The following NRG4 variants were observed in gnomAD, a reference collection of about 807,000 sequenced individuals.
NRG4 encodes neuregulin 4, also known as pro-neuregulin-4, membrane-bound isoform.
A neutral mutation model predicts 15.0 loss-of-function variants in NRG4; 10 were observed. The ratio of observed to expected loss-of-function variants is 0.67; its 90% confidence interval spans 0.41 to 1.13. NRG4 has a LOEUF of 1.13. Ranked by LOEUF, NRG4 falls within the 50% of genes most tolerant of loss-of-function variation. The probability of loss-of-function intolerance (pLI) is 0.00; values close to 1 mark genes in which losing one functional copy is unlikely to be tolerated. For synonymous variants in NRG4, 41 were observed against 50.1 expected (o/e 0.82, Z 0.77); for missense variants, 139 against 140.2 (o/e 0.99, Z 0.04).
At chr15:75,943,939 C>G (rs2031266629) in intron 5 of NRG4, among the ~76,000 whole-genome samples, 2 of 151,982 alleles carry the variant, frequency 1.3e-5, no homozygotes, top group African/African-American at 4.8e-5. Context: ...TGCTCACTGC[C>G]TCTTACCCAA....
intron 4 of NRG4, among the ~76,000 whole-genome samples, chr15:76,043,816 C>A (rs1053649170): frequency 6.6e-6 from 1 of 152,094 alleles, no homozygotes; most frequent in Non-Finnish European, 1.5e-5. Flanking sequence ...CCAGAAAAGA[C>A]CCAGAATAGC....
chr15:75,970,201 T>C (rs1462662913), intron 3 of NRG4, among the ~76,000 whole-genome samples: 2 of 152,234 alleles, frequency 1.3e-5, no homozygotes, highest in Non-Finnish European at 2.9e-5. Flanking sequence ...AAAGTGAGTT[T>C]AGTGAAACAC....
At chr15:76,001,422 T>C (rs553813927) in intron 3 of NRG4, among the ~76,000 whole-genome samples, 7 of 152,370 alleles carry the variant, frequency 4.6e-5, no homozygotes, top group Non-Finnish European at 1.0e-4. Flanking sequence ...GTTATTGAGA[T>C]AGTTCACTTT....
intron 4 of NRG4, among the ~76,000 whole-genome samples, chr15:76,037,057 A>T (rs919101866): frequency 3.3e-5 from 5 of 152,232 alleles, no homozygotes; most frequent in African/African-American, 1.2e-4. Flanking sequence ...ACAAAAATCA[A>T]CATACAAAAA....
At chr15:76,008,432 C>T (rs2034687635) in intron 3 of NRG4, among the ~76,000 whole-genome samples, 1 of 152,182 alleles carries the variant, frequency 6.6e-6, no homozygotes, top group Non-Finnish European at 1.5e-5. Context: ...AGATTCTATA[C>T]TTCTCATTTC....
intron 2 of NRG4, among the ~76,000 whole-genome samples, chr15:76,053,723 G>A (rs334929): frequency 6.7e-6 from 1 of 149,958 alleles, no homozygotes; most frequent in Non-Finnish European, 1.5e-5. Flanking sequence ...GCCCAGCTAA[G>A]TTTTGTATTT....
chr15:75,987,484 GGGGTCATGA>G (rs202023888), intron 3 of NRG4, among the ~76,000 whole-genome samples: 2,494 of 152,158 alleles, frequency 0.016, 65 homozygotes, highest in African/African-American at 0.056. Flanking sequence ...GGGCCTTTTG[GGGGTCATGA>G]GGGTCATGAG....
intron 4 of NRG4, among the ~76,000 whole-genome samples, chr15:76,047,141 T>A (rs112393815): frequency 1.3e-5 from 2 of 150,634 alleles, no homozygotes; most frequent in Non-Finnish European, 3.0e-5. Context: ...GGTGGGGATG[T>A]AGAGAAGGGA....
chr15:75,976,450 TG>T (rs2033370107), intron 3 of NRG4, among the ~76,000 whole-genome samples: 1 of 152,238 alleles, frequency 6.6e-6, no homozygotes, highest in African/African-American at 2.4e-5. Flanking sequence ...CTTTTTGCAC[TG>T]GTTTTTCCTC....
At chr15:75,938,871 C>T (rs370403322), downstream of NRG4, 1 of 152,036 alleles carries the variant, frequency 6.6e-6, no homozygotes, top group East Asian at 1.9e-4. Flanking sequence ...AAACAAAACA[C>T]TCAACCAATG....
intron 4 of NRG4, among the ~76,000 whole-genome samples, chr15:76,047,483 A>G (rs557379240): frequency 1.3e-5 from 2 of 151,098 alleles, no homozygotes; most frequent in African/African-American, 4.9e-5. Context: ...ACATAGATGA[A>G]TCTGGAGGCC....
intron 5 of NRG4, among the ~76,000 whole-genome samples, chr15:75,944,614 A>G (rs2031344839): frequency 6.6e-6 from 1 of 152,228 alleles, no homozygotes; most frequent in Non-Finnish European, 1.5e-5. Flanking sequence ...AGTTTTAAAA[A>G]TATAATGTAC....
At chr15:75,978,092 C>T (rs1225479805) in intron 3 of NRG4, among the ~76,000 whole-genome samples, 5 of 152,184 alleles carry the variant, frequency 3.3e-5, no homozygotes, top group Non-Finnish European at 5.9e-5. Flanking sequence ...GCTGGGATTA[C>T]AGGCATGAGC....
chr15:76,037,480 C>T (rs1432655635), intron 4 of NRG4, among the ~76,000 whole-genome samples: 1 of 152,174 alleles, frequency 6.6e-6, no homozygotes, highest in Non-Finnish European at 1.5e-5. Flanking sequence ...TTAGCTGACA[C>T]CCATCTACAG....
intron 5 of NRG4, among the ~76,000 whole-genome samples, chr15:76,022,450 AC>A: frequency 6.6e-6 from 1 of 151,528 alleles, no homozygotes; most frequent in East Asian, 1.9e-4. Flanking sequence ...ACACACACAC[AC>A]ACACAATGCT....
chr15:76,042,392 A>G (rs1347784134), intron 4 of NRG4, among the ~76,000 whole-genome samples: 1 of 151,672 alleles, frequency 6.6e-6, no homozygotes, highest in South Asian at 2.1e-4. Context: ...TTGAAAAGAT[A>G]AACAAAATTG....
rs144674579 is a variant in NRG4 at position 76,017,708 on chromosome 15, C to G, written c.-56-6422G>C. On this transcript the variant is annotated intron_variant, in intron 5 of 8. Transcript: ENST00000563910. ...TTCTGCAGAGAGATCTGCTGCTAAT[C>G]TGATGAGCTTTCCTTTGTTGGTAAC... Among the ~76,000 whole-genome samples the G allele has an allele frequency of 1.2e-4, 18 of 152,312 alleles. No individual in the cohort carries two copies. In the East Asian group the frequency reaches 2.9e-3, roughly 24 times the overall value.
chr15:75,968,015 G>C (rs1191885592), intron 3 of NRG4, among the ~76,000 whole-genome samples: 2 of 152,162 alleles, frequency 1.3e-5, no homozygotes, highest in African/African-American at 4.8e-5. Flanking sequence ...GAATGAAGAA[G>C]CATGTCGAAC....
intron 3 of NRG4, among the ~76,000 whole-genome samples, chr15:75,980,184 C>T (rs1423438961): frequency 6.6e-6 from 1 of 152,064 alleles, no homozygotes; most frequent in Non-Finnish European, 1.5e-5. Flanking sequence ...TATAAAAGTT[C>T]ATTTCAGAAC....
Sources: gnomAD v4.1 joint callset for allele counts (sites outside exome capture counted in the v4.1 genomes callset) on GRCh38, gnomAD v4.1.1 for gene constraint, MANE v1.5 for transcripts, NCBI Gene and HGNC (gene_info 2026-07-23, HGNC 2026-07-21) for gene names.